Variants in ZCCHC7 observed in about 807,000 individuals in gnomAD.
The protein encoded by ZCCHC7 is zinc finger CCHC domain-containing protein 7.
Under a neutral mutation model 52.0 loss-of-function variants are expected in ZCCHC7, and 35 were observed. The ratio of observed to expected loss-of-function variants is 0.67; its 90% CI spans 0.51 to 0.89. The LOEUF (loss-of-function observed/expected upper bound fraction) is 0.89. Among genes scored for constraint, ZCCHC7 ranks in the 40% least tolerant of loss-of-function variants. ZCCHC7 has a pLI of 0.00. For synonymous variants in ZCCHC7, 217 were observed against 221.5 expected, an observed-to-expected ratio of 0.98 and a Z score of 0.18; for missense variants, 574 against 649.1, an observed-to-expected ratio of 0.88 and a Z score of 1.26.
chr9:37,335,962 T>C (rs1830629729), intron 6 of ZCCHC7, among the ~76,000 whole-genome samples: 1 of 152,152 alleles, frequency 6.6e-6, no homozygotes, highest in African/African-American at 2.4e-5. Flanking sequence ...AGCAAATAAA[T>C]TATATAAATA....
intron 6 of ZCCHC7, among the ~76,000 whole-genome samples, chr9:37,336,612 TATTCTTTTATA>T (rs1830675927): frequency 6.6e-6 from 1 of 152,228 alleles, no homozygotes; most frequent in African/African-American, 2.4e-5. Flanking sequence ...GCTATGGTTC[TATTCTTTTATA>T]ATTTTTTTAT....
intron 2 of ZCCHC7, among the ~76,000 whole-genome samples, chr9:37,212,079 A>G (rs1395288269): frequency 1.4e-5 from 2 of 142,698 alleles, no homozygotes; most frequent in Non-Finnish European, 3.1e-5. Context: ...AATCTTTGGC[A>G]AAATCACTGG....
At chr9:37,306,762 C>CTTGTTTTTTTTTT (rs1829338857) in intron 5 of ZCCHC7, among the ~76,000 whole-genome samples, 1 of 51,994 alleles carries the variant, frequency 1.9e-5, no homozygotes, top group Non-Finnish European at 3.7e-5. Context: ...TGTACCCGAC[C>CTTGTTTTTTTTTT]TTTTTTTTTT....
intron 2 of ZCCHC7, among the ~76,000 whole-genome samples, chr9:37,215,071 C>A (rs1824433275): frequency 6.6e-6 from 1 of 152,042 alleles, no homozygotes; most frequent in African/African-American, 2.4e-5. Context: ...ATATGAACAT[C>A]TCATTTGACT....
intron 2 of ZCCHC7, among the ~76,000 whole-genome samples, chr9:37,229,928 GTTGT>G (rs1280557794): frequency 1.3e-5 from 2 of 152,042 alleles, no homozygotes; most frequent in African/African-American, 2.4e-5. Context: ...TTTTAATTTA[GTTGT>G]TTGTTTGCTT....
chr9:37,285,102 A>G (rs1397300032), intron 2 of ZCCHC7, among the ~76,000 whole-genome samples: 2 of 152,130 alleles, frequency 1.3e-5, no homozygotes, highest in Admixed American at 6.5e-5. Flanking sequence ...ATGTTTTGAA[A>G]GACAATAGAA....
At chr9:37,157,306 G>C (rs981382224) in intron 2 of ZCCHC7, among the ~76,000 whole-genome samples, 9 of 151,762 alleles carry the variant, frequency 5.9e-5, no homozygotes, top group African/African-American at 2.2e-4. Context: ...AAACTAGCCT[G>C]GGCAACGTAA....
intron 6 of ZCCHC7, among the ~76,000 whole-genome samples, chr9:37,346,834 T>C (rs1375477261): frequency 4.0e-5 from 6 of 151,850 alleles, no homozygotes; most frequent in East Asian, 1.9e-4. Context: ...AAAACAATAA[T>C]ATAAAAATTA....
intron 4 of ZCCHC7, among the ~76,000 whole-genome samples, chr9:37,304,561 G>T (rs1829210866): frequency 6.6e-6 from 1 of 151,984 alleles, no homozygotes; most frequent in South Asian, 2.1e-4. Flanking sequence ...GGAGGCTGAG[G>T]CAGGAGAATG....
chr9:37,169,520 T>C (rs1041021556), intron 2 of ZCCHC7, among the ~76,000 whole-genome samples: 10 of 152,186 alleles, frequency 6.6e-5, no homozygotes, highest in African/African-American at 2.4e-4. Flanking sequence ...AATTTCACTA[T>C]GGATACTTTA....
At chr9:37,156,965 CA>C (rs1362515448) in intron 2 of ZCCHC7, among the ~76,000 whole-genome samples, 1 of 151,998 alleles carries the variant, frequency 6.6e-6, no homozygotes, top group Non-Finnish European at 1.5e-5. Flanking sequence ...TAGTGTTTCA[CA>C]AATATAACCT....
At position 37,357,309 on chromosome 9, in the gene ZCCHC7, T is replaced by G. The variant is rs1202415933; in HGVS notation, c.*41T>G. ...CTGATGTGGCTTTTCATTGTTCATTTGGCCTTTGTGTCTATAACCTTCTGG... is the reference window on the plus strand; with the variant it reads ...CTGATGTGGCTTTTCATTGTTCATTGGGCCTTTGTGTCTATAACCTTCTGG... On this transcript the variant is annotated 3_prime_UTR_variant, in exon 9 of 9. Coordinates refer to ENST00000336755, the MANE Select transcript of ZCCHC7 (RefSeq NM_032226.3). 1.3e-6 allele frequency: 2 copies of G among 1,529,546 alleles called. No individual in the cohort carries two copies. Among genetic ancestry groups the G allele is most frequent in the East Asian group, 2.2e-5 (1 of 44,452 alleles). 94.7% of individuals were successfully genotyped at this position (1,529,546 alleles called of 1,614,324 possible).
At chr9:37,267,252 GTTTAC>G (rs1034670104) in intron 2 of ZCCHC7, among the ~76,000 whole-genome samples, 1 of 152,134 alleles carries the variant, frequency 6.6e-6, no homozygotes, top group African/African-American at 2.4e-5. Context: ...AATCTTCTTA[GTTTAC>G]TAGCCAAAAC....
chr9:37,192,181 C>T lies in ZCCHC7; in HGVS notation c.610+65239C>T, dbSNP rs1355290133. 3.3e-5 allele frequency among the ~76,000 whole-genome samples: 5 copies of T among 152,176 alleles called. No individual in the cohort carries two copies. The East Asian group carries it at 9.6e-4, about 29-fold the overall frequency. ...TAGGGTTATGTAGTCCAGTTTCTCT[C>T]ATATAGGAATTTTTTCTCCAACATA... On this transcript the variant is annotated intron_variant, in intron 2 of 8. Coordinates refer to ENST00000336755, the MANE Select transcript of ZCCHC7 (RefSeq NM_032226.3).
intron 2 of ZCCHC7, among the ~76,000 whole-genome samples, chr9:37,230,421 G>C (rs1458653558): frequency 6.6e-6 from 1 of 152,064 alleles, no homozygotes; most frequent in African/African-American, 2.4e-5. Context: ...TTTTGTTATT[G>C]ACATGGTGTG....
chr9:37,223,624 G>A (rs981337944), intron 2 of ZCCHC7, among the ~76,000 whole-genome samples: 19 of 152,104 alleles, frequency 1.2e-4, no homozygotes, highest in African/African-American at 4.3e-4. Context: ...ATTTTAAAAC[G>A]GTTAAGATGA....
At chr9:37,307,620 A>G (rs1456439775) in intron 5 of ZCCHC7, among the ~76,000 whole-genome samples, 1 of 152,206 alleles carries the variant, frequency 6.6e-6, no homozygotes, top group Admixed American at 6.5e-5. Flanking sequence ...ATATTGAAAT[A>G]CACCTATAGT....
intron 2 of ZCCHC7, among the ~76,000 whole-genome samples, chr9:37,195,532 A>G (rs1246309123): frequency 2.6e-5 from 4 of 152,152 alleles, no homozygotes; most frequent in African/African-American, 7.2e-5. Flanking sequence ...GAAGATGACT[A>G]TCCTGGGGTG....
chr9:37,288,960 A>G (rs2133614969), intron 2 of ZCCHC7, among the ~76,000 whole-genome samples: 1 of 152,202 alleles, frequency 6.6e-6, no homozygotes, highest in East Asian at 1.9e-4. Context: ...AAGACTCATA[A>G]TCCAGTATCC....
Sources: allele counts gnomAD v4.1 joint callset (sites outside exome capture counted in the v4.1 genomes callset), GRCh38; gene constraint gnomAD v4.1.1; transcripts MANE v1.5; gene names NCBI Gene and HGNC (gene_info 2026-07-23, HGNC 2026-07-21).